MROH1: variants seen among roughly 807,000 people sequenced by gnomAD.
MROH1 encodes maestro heat-like repeat-containing protein family member 1.
In MROH1, 117 loss-of-function variants were observed where a neutral mutation model predicts 116.5. The observed-to-expected ratio is 1.00, with a 90% CI of 0.86 to 1.17. The LOEUF (loss-of-function observed/expected upper bound fraction) is 1.17. Among genes scored for constraint, MROH1 ranks in the 50% most tolerant of loss-of-function variants. The pLI is 0.00. For missense variants in MROH1, 1,873 were observed against 1,338.5 expected (o/e 1.40, Z -6.23); for synonymous variants, 921 against 583.9 (o/e 1.58, Z -8.32).
rs148738878 is a variant in MROH1, at chr8:144,164,953, G to A, written c.22+1105G>A. 7.9e-5 allele frequency among the ~76,000 whole-genome samples: 12 copies of A among 152,158 alleles called. 2 individuals carry two copies. Among genetic ancestry groups the A allele is most frequent in the African/African-American group, 2.9e-4 (12 of 41,510 alleles). ...GCTGTGTCATCTCATAACTGGAGGG[G>A]CTGAAGGGACTAGGATGTCCTTCAA... On this transcript the variant is annotated intron_variant, in intron 3 of 43. Coordinates refer to ENST00000326134, the MANE Select transcript of MROH1 (RefSeq NM_032450.3).
intron 33 of MROH1, chr8:144,250,681 G>C (rs1318853178): frequency 8.8e-6 from 4 of 456,898 alleles, no homozygotes; most frequent in Non-Finnish European, 1.6e-5. Flanking sequence ...TTGGCCCCAG[G>C]CTCCAGCACA....
chr8:144,210,429 C>T (rs1833852168), intron 12 of MROH1, among the ~76,000 whole-genome samples: 1 of 152,088 alleles, frequency 6.6e-6, no homozygotes, highest in South Asian at 2.1e-4. Flanking sequence ...CGGTGGCTCA[C>T]ACCTGTAATC....
At chr8:144,178,004 G>A (rs538591851) in intron 4 of MROH1, among the ~76,000 whole-genome samples, 4 of 148,132 alleles carry the variant, frequency 2.7e-5, no homozygotes, top group South Asian at 4.3e-4. Context: ...TTGCTCTGTC[G>A]CCCAGGCTGG....
At chr8:144,240,466 G>T (rs1051071199) in intron 19 of MROH1, 104 bp from the exon 20 acceptor site, 1 of 702,548 alleles carries the variant, frequency 1.4e-6, no homozygotes, top group Non-Finnish European at 2.6e-6. Flanking sequence ...GCTGGAAGGC[G>T]GTCTGCAGCC....
At chr8:144,195,164 C>CAGCCTGGGTGACAGTGCG (rs1829526678) in intron 10 of MROH1, among the ~76,000 whole-genome samples, 1 of 119,926 alleles carries the variant, frequency 8.3e-6, no homozygotes, top group Admixed American at 1.2e-4. Context: ...CAGTGCATTC[C>CAGCCTGGGTGACAGTGCG]AGCCTGGGTG....
Position 144,241,391 on chromosome 8 carries a change from C to G in MROH1, c.2056-4C>G. ...CTGCCCGGGGTAAGTGTGCTGCCCCCCAGGGCCTCGCCTGCTGCTTCGGGA... is the reference window on the plus strand; with the variant it reads ...CTGCCCGGGGTAAGTGTGCTGCCCCGCAGGGCCTCGCCTGCTGCTTCGGGA... On this transcript the variant is annotated splice_polypyrimidine_tract_variant and splice_region_variant and intron_variant, in intron 21 of 43. Coordinates refer to ENST00000326134, the MANE Select transcript of MROH1 (RefSeq NM_032450.3). 1.3e-6 allele frequency: 1 copy of G among 773,944 alleles called. No homozygotes were observed. Among genetic ancestry groups the G allele is most frequent in the South Asian group, 1.4e-5 (1 of 74,024 alleles). The allele number at this position is 773,944 out of a possible 1,614,324, so 47.9% of individuals were successfully genotyped here.
At chr8:144,179,700 T>G (rs1825052525) in intron 5 of MROH1, 114 bp downstream of exon 5, 1 of 1,359,036 alleles carries the variant, frequency 7.4e-7, no homozygotes, top group Non-Finnish European at 1.0e-6. Flanking sequence ...TTGGCTGCCT[T>G]GGGCTGGCAG....
chr8:144,149,225 C>T (rs1816154285), intron 1 of MROH1, among the ~76,000 whole-genome samples: 1 of 152,064 alleles, frequency 6.6e-6, no homozygotes, highest in Admixed American at 6.5e-5. Flanking sequence ...GTCTGGGCAC[C>T]CTAGGGTGCT....
intron 14 of MROH1, among the ~76,000 whole-genome samples, chr8:144,229,544 T>A (rs1238261314): frequency 1.3e-5 from 2 of 152,082 alleles, no homozygotes; most frequent in Non-Finnish European, 2.9e-5. Context: ...CATGCCCAGC[T>A]AATTTTTGTT....
In MROH1 at chr8:144,254,905, T is replaced by C; in HGVS notation, c.3521T>C (p.Val1174Ala). Reference sequence around the variant, plus strand: ...CTGCTGGAGAAGATGAGTAGGGACGTCCCTTTCAAGGAGAGCCGGGCCTTC... The same window carrying C: ...CTGCTGGAGAAGATGAGTAGGGACGCCCCTTTCAAGGAGAGCCGGGCCTTC... ...GLLLEKMSRD[V>A]PFKESRAFLL... Residue 1174 changes from valine (V) to alanine (A), a missense_variant, in exon 34 of 44, where the codon GTC becomes GCC. Val to Ala is a moderately conservative substitution (Grantham distance 64, BLOSUM62 0). Coordinates refer to ENST00000326134, the MANE Select transcript of MROH1 (RefSeq NM_032450.3). 1 of 777,652 alleles carries C rather than the reference T, an allele frequency of 1.3e-6. No homozygotes were observed. The highest frequency in any genetic ancestry group is 2.4e-6 in the Non-Finnish European group (1 of 417,398). The allele number at this position is 777,652 out of a possible 1,614,324, so 48.2% of individuals were successfully genotyped here. A position where few individuals can be genotyped will look rare whatever the true frequency, so the allele number is the denominator to read the frequency against.
At chr8:144,150,405 C>T (rs1816423206) in intron 1 of MROH1, among the ~76,000 whole-genome samples, 2 of 152,158 alleles carry the variant, frequency 1.3e-5, no homozygotes, top group East Asian at 1.9e-4. Context: ...TTCTGACATC[C>T]CCATTATATA....
At position 144,260,489 on chromosome 8, in the gene MROH1, G is replaced by A. The variant is rs964768007; in HGVS notation, c.4380+115G>A. The A allele has an allele frequency of 7.9e-4, 555 of 699,478 alleles. 4 individuals are homozygous for A. In the African/African-American group the frequency reaches 8.9e-3, roughly 11 times the overall value. The allele number at this position is 699,478 out of a possible 1,614,324, so 43.3% of individuals were successfully genotyped here. A position where few individuals can be genotyped will look rare whatever the true frequency, so the allele number is the denominator to read the frequency against. On this transcript the variant is annotated intron_variant, in intron 39 of 43. Coordinates refer to ENST00000326134, the MANE Select transcript of MROH1 (RefSeq NM_032450.3). ...TGTCTCCCACCTCGGCTAGGTGACC[G>A]TGGAGAGCGCGGACCTGCAGGGCTG... is the stretch of plus-strand genomic sequence containing the variant.
chr8:144,229,774 C>A (rs887171800), intron 14 of MROH1, among the ~76,000 whole-genome samples: 1 of 152,128 alleles, frequency 6.6e-6, no homozygotes, highest in African/African-American at 2.4e-5. Context: ...CAGCTTATGC[C>A]TGTAATCCCA....
intron 3 of MROH1, among the ~76,000 whole-genome samples, chr8:144,166,036 A>G (rs1820748299): frequency 6.6e-6 from 1 of 150,826 alleles, no homozygotes; most frequent in East Asian, 2.0e-4. Context: ...CTGCCATCAC[A>G]CCTGGCTAAT....
At chr8:144,192,130 C>T (rs1828766978) in intron 9 of MROH1, among the ~76,000 whole-genome samples, 179 bp from the exon 10 acceptor site, 1 of 152,230 alleles carries the variant, frequency 6.6e-6, no homozygotes, top group Non-Finnish European at 1.5e-5. Context: ...TCCCCACCCT[C>T]CTCCCTGGCT....
chr8:144,259,118 A>T, intron 36 of MROH1, 122 bp from the exon 37 acceptor site: 1 of 689,934 alleles, frequency 1.4e-6, no homozygotes, highest in Non-Finnish European at 2.7e-6. Flanking sequence ...TCTCTGAAAC[A>T]TAGAACTCCC....
chr8:144,150,679 G>T (rs926659942), intron 1 of MROH1, among the ~76,000 whole-genome samples: 6 of 152,204 alleles, frequency 3.9e-5, no homozygotes, highest in Non-Finnish European at 7.3e-5. Context: ...TAGGTGGTGG[G>T]ACAGGGCACA....
intron 14 of MROH1, among the ~76,000 whole-genome samples, chr8:144,228,490 A>T (rs1045884100): frequency 6.6e-6 from 1 of 151,984 alleles, no homozygotes; most frequent in Non-Finnish European, 1.5e-5. Flanking sequence ...TGAGATGGAG[A>T]GTCTTGCTCT....
intron 4 of MROH1, among the ~76,000 whole-genome samples, chr8:144,169,346 C>T (rs942880645): frequency 1.3e-5 from 2 of 152,172 alleles, no homozygotes; most frequent in Non-Finnish European, 2.9e-5. Flanking sequence ...TGCCCACTGC[C>T]GTGGCCTGGC....
Sources: gnomAD v4.1 joint callset for allele counts (sites outside exome capture counted in the v4.1 genomes callset) on GRCh38, gnomAD v4.1.1 for gene constraint, MANE v1.5 for transcripts, NCBI Gene and HGNC (gene_info 2026-07-23, HGNC 2026-07-21) for gene names.